ZBTB46: variants seen among roughly 807,000 people sequenced by gnomAD.
ZBTB46 encodes the protein zinc finger and BTB domain containing 46.
Under a neutral mutation model 44.1 loss-of-function variants are expected in ZBTB46, and 8 were observed. The observed-to-expected ratio is 0.18, with a 90% CI of 0.11 to 0.33. ZBTB46 has a LOEUF of 0.33. ZBTB46 is among the 10% of genes least tolerant of loss of function. The probability of loss-of-function intolerance (pLI) is 1.00; values close to 1 mark genes in which losing one functional copy is unlikely to be tolerated. For missense variants in ZBTB46, 651 were observed against 847.7 expected, an observed-to-expected ratio of 0.77 and a Z score of 2.88; for synonymous variants, 409 against 382.3, an observed-to-expected ratio of 1.07 and a Z score of -0.81.
At chr20:63,766,477 A>G (rs1427672844) in intron 3 of ZBTB46, among the ~76,000 whole-genome samples, 1 of 151,620 alleles carries the variant, frequency 6.6e-6, no homozygotes, top group African/African-American at 2.4e-5. Flanking sequence ...TGGCCTCCCA[A>G]AGTGCTGGGA....
intron 3 of ZBTB46, among the ~76,000 whole-genome samples, chr20:63,763,709 A>G (rs1404819670): frequency 2.0e-5 from 3 of 152,188 alleles, no homozygotes; most frequent in Non-Finnish European, 4.4e-5. Flanking sequence ...TCCAAACTGT[A>G]TCAAGAATTA....
chr20:63,794,383 G>A (rs923942332), intron 1 of ZBTB46, among the ~76,000 whole-genome samples: 2 of 151,980 alleles, frequency 1.3e-5, no homozygotes, highest in Non-Finnish European at 2.9e-5. Flanking sequence ...GTAGTGACAG[G>A]AGTCTTGCTT....
intron 3 of ZBTB46, among the ~76,000 whole-genome samples, chr20:63,757,860 T>A (rs6122162): frequency 2.0e-5 from 1 of 50,900 alleles, no homozygotes; most frequent in Non-Finnish European, 3.9e-5. Context: ...TCCCTCCACC[T>A]GCCCATCCAG....
intron 1 of ZBTB46, among the ~76,000 whole-genome samples, chr20:63,791,172 C>G (rs1293816204): frequency 6.6e-6 from 1 of 152,174 alleles, no homozygotes; most frequent in South Asian, 2.1e-4. Context: ...CCATCCCTCA[C>G]GCTTGAAGAA....
Position 63,798,685 on chromosome 20 carries a change from A to AAAAAAAAAAAAAAAAAAAAAC in ZBTB46, c.-33-7896_-33-7895insGTTTTTTTTTTTTTTTTTTTT, listed in dbSNP as rs1417351365. Among the ~76,000 whole-genome samples the AAAAAAAAAAAAAAAAAAAAAC allele has an allele frequency of 1.1e-3, 138 of 127,906 alleles. 3 individuals are homozygous for AAAAAAAAAAAAAAAAAAAAAC. Among genetic ancestry groups the AAAAAAAAAAAAAAAAAAAAAC allele is most frequent in the African/African-American group, 2.9e-3 (92 of 31,258 alleles). 83.9% of individuals were successfully genotyped at this position (127,906 alleles called of 152,430 possible). On this transcript the variant is annotated intron_variant, in intron 1 of 4. Transcript: ENST00000245663. The stretch of plus-strand genomic sequence containing the variant: ...GCTAGACTCTGTCTCAAAAAAAAAA[A>AAAAAAAAAAAAAAAAAAAAAC]AAAAAAAATTAGCTGGGCATGGTAG...
At position 63,820,431 on chromosome 20, in the gene ZBTB46, T is replaced by TTTTA. The variant is rs144966062; in HGVS notation, c.-34+10665_-34+10666insTAAA. Reference sequence around the variant, plus strand: ...ACAGGCACACTTTTTAAGAAGTATATTATATATATATATTTTTTTTTTGAG... The same window carrying TTTTA: ...ACAGGCACACTTTTTAAGAAGTATATTTTATATATATATATATTTTTTTTTTGAG... On this transcript the variant is annotated intron_variant, in intron 1 of 4. Transcript: ENST00000245663. Among the ~76,000 whole-genome samples the TTTTA allele has an allele frequency of 2.7e-5, 4 of 150,258 alleles. No homozygotes were observed. The East Asian group carries it at 8.0e-4, about 30-fold the overall frequency.
At chr20:63,824,558 G>A (rs1023690301) in intron 1 of ZBTB46, among the ~76,000 whole-genome samples, 1 of 152,042 alleles carries the variant, frequency 6.6e-6, no homozygotes, top group Non-Finnish European at 1.5e-5. Flanking sequence ...GGGTCTGCAG[G>A]ACAACTCAGA....
chr20:63,761,978 T>C (rs923979203), intron 3 of ZBTB46, among the ~76,000 whole-genome samples: 4 of 152,176 alleles, frequency 2.6e-5, no homozygotes, highest in African/African-American at 9.7e-5. Context: ...TGAACCTGAA[T>C]TATGGCCCTG....
intron 4 of ZBTB46, among the ~76,000 whole-genome samples, chr20:63,750,492 G>A (rs1383541107): frequency 1.3e-5 from 2 of 151,662 alleles, no homozygotes; most frequent in East Asian, 1.9e-4. Flanking sequence ...TCCTGCCCCA[G>A]CCTCCCGAAG....
chr20:63,790,963 C>G (rs1313510417), intron 1 of ZBTB46, 173 bp from the exon 2 acceptor site: 2 of 927,960 alleles, frequency 2.2e-6, no homozygotes, highest in Non-Finnish European at 3.1e-6. Context: ...CCGCCTGAAG[C>G]AGGGCAGCAA....
chr20:63,818,225 C>CT (rs1459658035), intron 1 of ZBTB46, among the ~76,000 whole-genome samples: 2 of 152,252 alleles, frequency 1.3e-5, no homozygotes, highest in African/African-American at 4.8e-5. Flanking sequence ...CACGCTGCCC[C>CT]TGCCAGGTGA....
At chr20:63,821,751 G>C (rs1329660479) in intron 1 of ZBTB46, among the ~76,000 whole-genome samples, 1 of 152,096 alleles carries the variant, frequency 6.6e-6, no homozygotes, top group Non-Finnish European at 1.5e-5. Flanking sequence ...TCTGGTCCAG[G>C]CTCACTTTTA....
intron 1 of ZBTB46, among the ~76,000 whole-genome samples, chr20:63,796,304 A>G (rs1231425544): frequency 1.3e-5 from 2 of 152,202 alleles, no homozygotes; most frequent in Non-Finnish European, 2.9e-5. Flanking sequence ...GGAGGGCGGG[A>G]GGCCTCGGGT....
chr20:63,746,855 C>T lies in ZBTB46; in HGVS notation c.*75G>A. 7.0e-7 allele frequency: 1 copy of T among 1,426,784 alleles called. No homozygotes were observed. Among genetic ancestry groups the T allele is most frequent in the South Asian group, 1.5e-5 (1 of 66,350 alleles). 88.4% of individuals were successfully genotyped at this position (1,426,784 alleles called of 1,614,324 possible). On this transcript the variant is annotated 3_prime_UTR_variant, in exon 5 of 5. Transcript: ENST00000245663. ...GAGAGGGGTGAGCGTGGCCCTGGCCCCGCAGTGGAGACCCACCGGACACAC... is the reference window on the plus strand; with the variant it reads ...GAGAGGGGTGAGCGTGGCCCTGGCCTCGCAGTGGAGACCCACCGGACACAC...
intron 1 of ZBTB46, among the ~76,000 whole-genome samples, chr20:63,791,516 A>C (rs1040998236): frequency 1.2e-3 from 187 of 151,970 alleles, no homozygotes; most frequent in African/African-American, 4.3e-3. Flanking sequence ...AAAAAAAAAA[A>C]AAACTTCTTA....
chr20:63,776,439 C>T (rs191820479), intron 2 of ZBTB46, among the ~76,000 whole-genome samples: 5 of 152,208 alleles, frequency 3.3e-5, no homozygotes, highest in African/African-American at 1.2e-4. Context: ...TTCTTAGATA[C>T]AAAACCAAGC....
chr20:63,832,154 C>T (rs1292813792), upstream of ZBTB46, among the ~76,000 whole-genome samples: 1 of 152,108 alleles, frequency 6.6e-6, no homozygotes, highest in Non-Finnish European at 1.5e-5. This position sits in a 1 kb window ranked among gnomAD's most constrained non-coding sequence, Gnocchi z 5.0. Flanking sequence ...CCGTGTGCAG[C>T]CCCGATCCGA....
At chr20:63,786,459 C>G (rs1237838604) in intron 2 of ZBTB46, among the ~76,000 whole-genome samples, 1 of 152,134 alleles carries the variant, frequency 6.6e-6, no homozygotes, top group Non-Finnish European at 1.5e-5. Flanking sequence ...ACAACTCAGC[C>G]CGAGGCTGAG....
intron 2 of ZBTB46, among the ~76,000 whole-genome samples, chr20:63,782,883 G>A (rs1010884226): frequency 1.3e-5 from 2 of 152,120 alleles, no homozygotes; most frequent in African/African-American, 2.4e-5. Flanking sequence ...CGGGAGGATC[G>A]CTAAGCCCAG....
Sources: allele counts gnomAD v4.1 joint callset (sites outside exome capture counted in the v4.1 genomes callset), GRCh38; gene constraint gnomAD v4.1.1; non-coding constraint Gnocchi (gnomAD v3.1); transcripts MANE v1.5; gene names NCBI Gene and HGNC (gene_info 2026-07-23, HGNC 2026-07-21).